The following SSH2 variants were observed in gnomAD, a reference collection of about 807,000 sequenced individuals.
SSH2 encodes the protein slingshot protein phosphatase 2.
SSH2 carries 37 observed loss-of-function variants against 135.2 expected under a neutral mutation model. The ratio of observed to expected loss-of-function variants is 0.27; its 90% CI spans 0.21 to 0.36. SSH2 has a LOEUF of 0.36. Among genes scored for constraint, SSH2 ranks in the 10% least tolerant of loss-of-function variants. The probability of loss-of-function intolerance (pLI) is 1.00; values close to 1 mark genes in which losing one functional copy is unlikely to be tolerated. For synonymous variants in SSH2, 628 were observed against 646.2 expected, an observed-to-expected ratio of 0.97 and a Z score of 0.43; for missense variants, 1,408 against 1,765.3, an observed-to-expected ratio of 0.80 and a Z score of 3.63.
intron 3 of SSH2, among the ~76,000 whole-genome samples, chr17:29,762,343 T>C (rs1419950625): frequency 6.6e-6 from 1 of 152,170 alleles, no homozygotes; most frequent in East Asian, 1.9e-4. Context: ...AGGAATTACT[T>C]GTGGTGGGTT....
intron 3 of SSH2, among the ~76,000 whole-genome samples, chr17:29,774,975 C>A (rs2041666244): frequency 6.6e-6 from 1 of 152,190 alleles, no homozygotes; most frequent in African/African-American, 2.4e-5. Flanking sequence ...GCTCTCACTG[C>A]AGTTCCCTTT....
chr17:29,868,807 G>A (rs566874405), intron 1 of SSH2, among the ~76,000 whole-genome samples: 119 of 151,856 alleles, frequency 7.8e-4, no homozygotes, highest in Middle Eastern at 3.5e-3. Flanking sequence ...TATTGGTCAT[G>A]GGCCTGCAGA....
At chr17:29,685,788 CAAA>C (rs1218369069) in intron 5 of SSH2, among the ~76,000 whole-genome samples, 2 of 109,916 alleles carry the variant, frequency 1.8e-5, no homozygotes, top group Non-Finnish European at 1.9e-5. Flanking sequence ...GACTCTGGTT[CAAA>C]AAAAAAAAAA....
At chr17:29,653,025 G>A (rs2036640297) in intron 12 of SSH2, among the ~76,000 whole-genome samples, 1 of 152,046 alleles carries the variant, frequency 6.6e-6, no homozygotes, top group African/African-American at 2.4e-5. Context: ...ATAAATTATG[G>A]CACTATCTTT....
intron 3 of SSH2, among the ~76,000 whole-genome samples, chr17:29,707,772 C>T (rs1188656816): frequency 9.2e-5 from 14 of 152,194 alleles, no homozygotes; most frequent in Admixed American, 7.8e-4. Flanking sequence ...GTGATCCGCC[C>T]GCCTTGGCCT....
At position 29,749,034 on chromosome 17, in the gene SSH2, G is replaced by A. The variant is rs1342550401; in HGVS notation, c.188+44860C>T. Among the ~76,000 whole-genome samples the A allele has an allele frequency of 4.6e-5, 7 of 152,130 alleles. No homozygotes were observed. The South Asian group carries it at 6.2e-4, about 13-fold the overall frequency. On this transcript the variant is annotated intron_variant, in intron 3 of 15. Coordinates refer to ENST00000540801, the MANE Select transcript of SSH2 (RefSeq NM_001282129.2). ...GCAGTAAAGGGGAAAATATTATTCC[G>A]TAGATATAAAAAAGCAGTCAGTAAA... is the stretch of plus-strand genomic sequence containing the variant.
chr17:29,838,819 C>A, intron 2 of SSH2: 1 of 169,652 alleles, frequency 5.9e-6, no homozygotes, highest in South Asian at 1.6e-4. Flanking sequence ...CTCCACTTGT[C>A]TGCATACCTC....
intron 2 of SSH2, among the ~76,000 whole-genome samples, chr17:29,807,627 T>C (rs1396340807): frequency 6.6e-6 from 1 of 151,966 alleles, no homozygotes; most frequent in Non-Finnish European, 1.5e-5. Flanking sequence ...AGAAGAGAGA[T>C]GAAGAAAAGG....
chr17:29,793,094 C>T (rs371277097), intron 3 of SSH2, among the ~76,000 whole-genome samples: 1 of 152,068 alleles, frequency 6.6e-6, no homozygotes, highest in Non-Finnish European at 1.5e-5. Flanking sequence ...AGTTTGGTAA[C>T]ATTGAAATGA....
intron 11 of SSH2, 142 bp from the exon 12 acceptor site, chr17:29,655,749 G>A (rs143130077): frequency 6.1e-6 from 4 of 659,840 alleles, no homozygotes; most frequent in Admixed American, 5.0e-5. Context: ...CACTTCATAT[G>A]TTATCACATT....
intron 3 of SSH2, among the ~76,000 whole-genome samples, chr17:29,763,895 A>C (rs960052263): frequency 3.3e-5 from 5 of 150,872 alleles, no homozygotes; most frequent in African/African-American, 1.2e-4. Context: ...TTAAATTCTC[A>C]CTTTGAACTG....
chr17:29,643,097 T>C lies in SSH2; in HGVS notation c.1427+5047A>G, dbSNP rs1392367690. The C allele has an allele frequency of 4.1e-6, 4 of 983,162 alleles. No homozygotes were observed. The East Asian group carries it at 3.4e-4, about 84-fold the overall frequency. 60.9% of individuals were successfully genotyped at this position (983,162 alleles called of 1,614,324 possible). A position where few individuals can be genotyped will look rare whatever the true frequency, so the allele number is the denominator to read the frequency against. On this transcript the variant is annotated intron_variant, in intron 14 of 15. Coordinates refer to ENST00000540801, the MANE Select transcript of SSH2 (RefSeq NM_001282129.2). ...TTTTCTAAGGATTTTCCTCTCCTGCTTACCTAAATTGCAAGGCTTGATAGA... is the reference window on the plus strand; with the variant it reads ...TTTTCTAAGGATTTTCCTCTCCTGCCTACCTAAATTGCAAGGCTTGATAGA...
chr17:29,919,041 T>G (rs760576834), intron 1 of SSH2, among the ~76,000 whole-genome samples: 8 of 152,184 alleles, frequency 5.3e-5, no homozygotes, highest in Admixed American at 1.3e-4. Flanking sequence ...TTATAAGTCC[T>G]TGCTGGCCTT....
intron 6 of SSH2, 47 bp downstream of exon 6, chr17:29,684,516 G>C (rs761723745): frequency 2.0e-6 from 3 of 1,517,478 alleles, no homozygotes. Context: ...AACTGGAACA[G>C]GTTACTTAAA....
intron 3 of SSH2, among the ~76,000 whole-genome samples, chr17:29,746,653 A>G (rs1300903052): frequency 6.6e-6 from 1 of 152,104 alleles, no homozygotes; most frequent in Non-Finnish European, 1.5e-5. Flanking sequence ...CATTAAGAGA[A>G]AGAGTAACTT....
Position 29,892,500 on chromosome 17 carries a change from C to T in SSH2, c.63+37438G>A, listed in dbSNP as rs145176643. 2.0e-5 allele frequency among the ~76,000 whole-genome samples: 3 copies of T among 152,172 alleles called. No individual in the cohort carries two copies. In the East Asian group the frequency reaches 5.8e-4, roughly 29 times the overall value. The stretch of plus-strand genomic sequence containing the variant: ...AATGACAGTAGGGAATGTCAACAGC[C>T]ACCACTGTGACAATGAAGAGGAAGA... On this transcript the variant is annotated intron_variant, in intron 1 of 15. Coordinates refer to ENST00000540801, the MANE Select transcript of SSH2 (RefSeq NM_001282129.2).
intron 1 of SSH2, among the ~76,000 whole-genome samples, chr17:29,881,626 C>T (rs1167236389): frequency 6.6e-6 from 1 of 152,010 alleles, no homozygotes; most frequent in Non-Finnish European, 1.5e-5. Context: ...CTGAGCCTCC[C>T]GAGTAGCTGG....
At chr17:29,710,286 A>G (rs1371946699) in intron 3 of SSH2, among the ~76,000 whole-genome samples, 1 of 152,242 alleles carries the variant, frequency 6.6e-6, no homozygotes, top group Non-Finnish European at 1.5e-5. Context: ...TGAAGGAAGC[A>G]GATTTTCATG....
intron 3 of SSH2, among the ~76,000 whole-genome samples, chr17:29,721,319 G>A (rs988868674): frequency 1.1e-4 from 13 of 117,770 alleles, no homozygotes; most frequent in African/African-American, 3.1e-4. Flanking sequence ...AGCATAGAAC[G>A]GACATTGCAG....
Sources: gnomAD v4.1 joint callset for allele counts (sites outside exome capture counted in the v4.1 genomes callset) on GRCh38, gnomAD v4.1.1 for gene constraint, MANE v1.5 for transcripts, NCBI Gene and HGNC (gene_info 2026-07-23, HGNC 2026-07-21) for gene names.